The following PHYKPL variants were observed in gnomAD, a reference collection of about 807,000 sequenced individuals.
The protein encoded by PHYKPL is 5-phosphohydroxy-L-lysine phospho-lyase, also known as 5-phosphonooxy-L-lysine phospho-lyase.
A neutral mutation model predicts 51.3 loss-of-function variants in PHYKPL; 42 were observed. The observed-to-expected ratio is 0.82, with a 90% CI of 0.64 to 1.06. The LOEUF is 1.06. Among genes scored for constraint, PHYKPL ranks in the 50% least tolerant of loss-of-function variants. The pLI is 0.00. For synonymous variants in PHYKPL, 264 were observed against 236.0 expected (o/e 1.12, Z -1.09); for missense variants, 655 against 586.6 (o/e 1.12, Z -1.20).
intron 3 of PHYKPL, among the ~76,000 whole-genome samples, chr5:178,228,897 G>A (rs1762820984): frequency 6.6e-6 from 1 of 152,142 alleles, no homozygotes; most frequent in Non-Finnish European, 1.5e-5. Flanking sequence ...AATGCTCTTA[G>A]GATAAAGACA....
Position 178,222,899 on chromosome 5 carries a change from C to G in PHYKPL, c.654G>C (p.Val218=). The change falls in exon 7 of 13, where the codon GTG becomes GTC. Residue 218 remains valine (V), a synonymous_variant. Transcript: ENST00000308158. ...CAGCAGGGGGAATGATCTGCCCTCC[C>G]ACACTGGGCAGAGACTCAGCGAAGA... is the stretch of plus-strand genomic sequence containing the variant. ...AAFFAESLPS[V]GGQIIPPAGY... 2 of 1,614,162 alleles carry G rather than the reference C, an allele frequency of 1.2e-6. No individual in the cohort carries two copies. The highest frequency in any genetic ancestry group is 8.5e-7 in the Non-Finnish European group (1 of 1,180,026).
chr5:178,209,712 G>A (rs1448935965), intron 12 of PHYKPL, among the ~76,000 whole-genome samples: 1 of 152,066 alleles, frequency 6.6e-6, no homozygotes, highest in Non-Finnish European at 1.5e-5. Context: ...TGGGTGTCTT[G>A]GCTTTGTGGA....
chr5:178,220,993 T>C (rs1761066242), intron 8 of PHYKPL, among the ~76,000 whole-genome samples: 1 of 152,132 alleles, frequency 6.6e-6, no homozygotes, highest in Non-Finnish European at 1.5e-5. Flanking sequence ...TTCAGAGTGA[T>C]GGGTGGAGAA....
chr5:178,209,430 G>A, intron 12 of PHYKPL: 1 of 1,614,020 alleles, frequency 6.2e-7, no homozygotes, highest in Non-Finnish European at 8.5e-7. Context: ...GGCAGCGGAG[G>A]TGGTGGTGGA....
intron 8 of PHYKPL, chr5:178,216,492 A>G (rs568560391): frequency 1.3e-5 from 2 of 152,348 alleles, no homozygotes; most frequent in African/African-American, 2.4e-5. Context: ...ACACATGACA[A>G]AGAACACAAC....
chr5:178,223,398 C>T (rs1761605403), intron 6 of PHYKPL: 1 of 456,582 alleles, frequency 2.2e-6, no homozygotes, highest in African/African-American at 2.0e-5. Context: ...CCAGTCCATC[C>T]TCCACATGGC....
chr5:178,220,156 C>G (rs180779432), intron 8 of PHYKPL, among the ~76,000 whole-genome samples: 61 of 144,042 alleles, frequency 4.2e-4, no homozygotes, highest in Non-Finnish European at 7.9e-4. Flanking sequence ...GATCGCGTCA[C>G]TGCACTCCAG....
intron 12 of PHYKPL, chr5:178,210,522 T>C (rs745307876): frequency 2.5e-6 from 4 of 1,606,046 alleles, no homozygotes; most frequent in Non-Finnish European, 3.4e-6. Context: ...TGCTTGTAAA[T>C]AGTAGCTGCT....
At chr5:178,209,995 C>T (rs1327169106) in intron 12 of PHYKPL, 4 of 1,238,578 alleles carry the variant, frequency 3.2e-6, no homozygotes, top group Non-Finnish European at 4.5e-6. Flanking sequence ...GGCCCTTATA[C>T]ACCAGAACAG....
chr5:178,210,797 G>C, intron 12 of PHYKPL: 3 of 634,202 alleles, frequency 4.7e-6, no homozygotes, highest in East Asian at 2.8e-5. Context: ...CAGAGCTCTA[G>C]GTGTTTAGGC....
chr5:178,208,780 T>A lies in PHYKPL; in HGVS notation c.*167A>T, dbSNP rs1450334580. The A allele has an allele frequency of 6.5e-6, 1 of 153,526 alleles. No individual in the cohort carries two copies. The highest frequency in any genetic ancestry group is 1.9e-4 in the East Asian group (1 of 5,208). 9.5% of individuals were successfully genotyped at this position (153,526 alleles called of 1,614,324 possible). A position where few individuals can be genotyped will look rare whatever the true frequency, so the allele number is the denominator to read the frequency against. The stretch of plus-strand genomic sequence containing the variant: ...TGGGTTATTCCAACAGACCAGTGGT[T>A]AGGAGGAGGGGGTGGGTAGCATTAT... On this transcript the variant is annotated 3_prime_UTR_variant, in exon 13 of 13. Transcript: ENST00000308158.
downstream of PHYKPL, among the ~76,000 whole-genome samples, chr5:178,207,492 T>C (rs1470290649): frequency 1.3e-5 from 2 of 152,134 alleles, no homozygotes; most frequent in East Asian, 1.9e-4. Flanking sequence ...GTAGCCTCTT[T>C]AGCTCCTCAC....
Position 178,224,625 on chromosome 5 carries a change from A to G in PHYKPL, c.501+17T>C. 6.2e-7 allele frequency: 1 copy of G among 1,614,150 alleles called. No homozygotes were observed. The highest frequency in any genetic ancestry group is 8.5e-7 in the Non-Finnish European group (1 of 1,180,026). On this transcript the variant is annotated intron_variant, in intron 5 of 12. Transcript: ENST00000308158. ...GGGGACAGGCACCGACCTGTTGTTG[A>G]GTTGGGCAGTGCATACCACGTGGAC...
chr5:178,213,076 GCTC>G lies in PHYKPL; in HGVS notation c.1197_1199del (p.Ser400del). 1 of 1,614,210 alleles carries G rather than the reference GCTC, an allele frequency of 6.2e-7. No individual in the cohort carries two copies. Among genetic ancestry groups the G allele is most frequent in the Non-Finnish European group, 8.5e-7 (1 of 1,180,022 alleles). ...GGATGTTCCTCCCAGGGCCATCAGT[GCTC>G]AGCAAAACGTAGTTCTCCTTCAGCC... is the stretch of plus-strand genomic sequence containing the variant. On this transcript the variant is annotated inframe_deletion, in exon 11 of 13. Transcript: ENST00000308158.
chr5:178,210,869 C>T (rs1581193436), intron 12 of PHYKPL: 3 of 552,134 alleles, frequency 5.4e-6, no homozygotes, highest in South Asian at 4.3e-5. Context: ...CCAGGTCCCC[C>T]AGAAGCAGGT....
At chr5:178,231,958 G>C (rs888972022) in intron 1 of PHYKPL, 1 of 1,240,442 alleles carries the variant, frequency 8.1e-7, no homozygotes, top group Admixed American at 2.8e-5. Context: ...GCTGCCCCTC[G>C]CTGGGTGCCA....
chr5:178,229,884 G>A, intron 3 of PHYKPL, 56 bp downstream of exon 3: 1 of 1,589,900 alleles, frequency 6.3e-7, no homozygotes, highest in Non-Finnish European at 8.6e-7. Flanking sequence ...CCATGTGAGT[G>A]ACTGTCTTTG....
chr5:178,226,313 C>T lies in PHYKPL; in HGVS notation c.339-884G>A, dbSNP rs1445068665. Among the ~76,000 whole-genome samples, 3 of 151,974 alleles carry T rather than the reference C, an allele frequency of 2.0e-5. No homozygotes were observed. In the South Asian group the frequency reaches 6.2e-4, roughly 32 times the overall value. The stretch of plus-strand genomic sequence containing the variant: ...GCTGGTCTCAAACTCCTGATCCACC[C>T]GCCTCGGCCTCCCAAAGTGCTGGGA... On this transcript the variant is annotated intron_variant, in intron 3 of 12. Transcript: ENST00000308158.
At chr5:178,232,431 G>A in intron 1 of PHYKPL, 61 bp downstream of exon 1, 2 of 1,372,416 alleles carry the variant, frequency 1.5e-6, no homozygotes, top group Non-Finnish European at 1.9e-6. Flanking sequence ...CGTGCGTCGT[G>A]CGTGCGCGTG....
Sources: gnomAD v4.1 joint callset for allele counts (sites outside exome capture counted in the v4.1 genomes callset) on GRCh38, gnomAD v4.1.1 for gene constraint, MANE v1.5 for transcripts, NCBI Gene and HGNC (gene_info 2026-07-23, HGNC 2026-07-21) for gene names.